CDKL3: variants seen among roughly 807,000 people sequenced by gnomAD.
CDKL3 encodes cyclin-dependent kinase-like 3.
CDKL3 carries 65 observed loss-of-function variants against 69.3 expected under a neutral mutation model. That is an observed-to-expected ratio of 0.94 (90% confidence interval 0.77 to 1.15). CDKL3 has a LOEUF of 1.15. Ranked by LOEUF, CDKL3 falls within the 50% of genes most tolerant of loss-of-function variation. The probability of loss-of-function intolerance (pLI) is 0.00; values close to 1 mark genes in which losing one functional copy is unlikely to be tolerated. For missense variants in CDKL3, 652 were observed against 689.2 expected (o/e 0.95, Z 0.61); for synonymous variants, 202 against 221.6 (o/e 0.91, Z 0.79).
Position 134,350,262 on chromosome 5 carries a change from T to A in CDKL3, c.526A>T (p.Thr176Ser). 1 of 1,567,514 alleles carries A rather than the reference T, an allele frequency of 6.4e-7. No individual in the cohort carries two copies. Among genetic ancestry groups the A allele is most frequent in the South Asian group, 1.2e-5 (1 of 83,002 alleles). ...YRAPELVLKD[T>S]SYGKPVDIWA... ...AAATACACATACTTTCCATAAGAAG[T>A]ATCTTTTAATACTAATTCGGGAGCT... is the stretch of plus-strand genomic sequence containing the variant. The change falls in exon 4 of 13, where the codon ACT becomes TCT. Residue 176 changes from threonine to serine, a missense_variant. By Grantham distance (58) the Thr-to-Ser change is moderately conservative (BLOSUM62 1). Transcript: ENST00000265334.
At chr5:134,336,182 T>TA (rs1157940436) in intron 4 of CDKL3, among the ~76,000 whole-genome samples, 1 of 152,222 alleles carries the variant, frequency 6.6e-6, no homozygotes, top group African/African-American at 2.4e-5. Flanking sequence ...TCAGGTCATT[T>TA]AAGCTCTTCT....
chr5:134,331,134 A>G (rs1775682328), intron 4 of CDKL3, among the ~76,000 whole-genome samples: 1 of 152,138 alleles, frequency 6.6e-6, no homozygotes. Context: ...ACCAACTGAG[A>G]TGTCTATACT....
intron 3 of CDKL3, among the ~76,000 whole-genome samples, chr5:134,352,332 GCT>G (rs1330982875): frequency 2.2e-5 from 3 of 133,510 alleles, no homozygotes; most frequent in Non-Finnish European, 3.1e-5. Flanking sequence ...ACAGAGTTTT[GCT>G]CTGTCGCCCA....
chr5:134,336,993 G>A (rs372031052), intron 4 of CDKL3, among the ~76,000 whole-genome samples: 18 of 152,148 alleles, frequency 1.2e-4, no homozygotes, highest in African/African-American at 2.2e-4. Context: ...TGCCCAGTTC[G>A]AGTTTCCCTG....
At chr5:134,290,468 CAA>C (rs1765082456) in intron 8 of CDKL3, among the ~76,000 whole-genome samples, 1 of 150,932 alleles carries the variant, frequency 6.6e-6, no homozygotes, top group Non-Finnish European at 1.5e-5. Flanking sequence ...ACAGCAAGAG[CAA>C]AGTTTCTAAG....
At chr5:134,358,707 C>T (rs1459651800) in intron 3 of CDKL3, among the ~76,000 whole-genome samples, 1 of 152,082 alleles carries the variant, frequency 6.6e-6, no homozygotes, top group Non-Finnish European at 1.5e-5. Context: ...CAGGCTCAAA[C>T]AATCCTCCTA....
intron 8 of CDKL3, among the ~76,000 whole-genome samples, chr5:134,287,496 C>T (rs958217051): frequency 1.3e-5 from 2 of 152,188 alleles, no homozygotes; most frequent in Non-Finnish European, 1.5e-5. Context: ...GACAACTTCA[C>T]GTGGTCAAAG....
At chr5:134,284,177 A>G (rs1764749665), downstream of CDKL3, among the ~76,000 whole-genome samples, 2 of 152,172 alleles carry the variant, frequency 1.3e-5, no homozygotes, top group African/African-American at 4.8e-5. Context: ...CCAGCCCCCA[A>G]TATTTCAACG....
At chr5:134,320,160 T>C (rs930261798) in intron 5 of CDKL3, among the ~76,000 whole-genome samples, 1 of 152,148 alleles carries the variant, frequency 6.6e-6, no homozygotes, top group African/African-American at 2.4e-5. Context: ...AAATGTGAGG[T>C]GTCTTAAGGC....
At chr5:134,323,073 C>G (rs139418617) in intron 4 of CDKL3, among the ~76,000 whole-genome samples, 40 of 151,936 alleles carry the variant, frequency 2.6e-4, no homozygotes, top group African/African-American at 8.9e-4. Context: ...AAGCAACATT[C>G]ATGAAAGAAA....
chr5:134,309,760 A>G (rs1768891286), intron 7 of CDKL3, among the ~76,000 whole-genome samples: 1 of 152,210 alleles, frequency 6.6e-6, no homozygotes, highest in African/African-American at 2.4e-5. Flanking sequence ...ATAGAAGCCT[A>G]ATATCTAAAT....
chr5:134,308,072 G>A (rs1430963484), intron 9 of CDKL3, 66 bp downstream of exon 9: 33 of 1,498,466 alleles, frequency 2.2e-5, no homozygotes, highest in Middle Eastern at 3.5e-4. Flanking sequence ...CTATGAACAC[G>A]ATTCTTTGAA....
At chr5:134,335,583 CT>C (rs1443545794) in intron 4 of CDKL3, among the ~76,000 whole-genome samples, 3 of 152,004 alleles carry the variant, frequency 2.0e-5, no homozygotes, top group Non-Finnish European at 4.4e-5. Context: ...CACTTAAAAG[CT>C]TAGTTTGGCT....
intron 2 of CDKL3, among the ~76,000 whole-genome samples, chr5:134,363,943 G>C (rs969367966): frequency 7.1e-6 from 1 of 140,344 alleles, no homozygotes; most frequent in Non-Finnish European, 1.5e-5. Context: ...GGGCAACAGG[G>C]AGACTCCATT....
At chr5:134,338,459 G>A (rs1177761301) in intron 4 of CDKL3, among the ~76,000 whole-genome samples, 2 of 152,104 alleles carry the variant, frequency 1.3e-5, no homozygotes, top group Non-Finnish European at 2.9e-5. Flanking sequence ...GGAGGCTGAG[G>A]CAGGAGAATC....
At chr5:134,367,196 T>G, upstream of CDKL3, 23 of 985,498 alleles carry the variant, frequency 2.3e-5, no homozygotes, top group Non-Finnish European at 2.7e-5. Context: ...GACCGGAACA[T>G]GGGCAGGGTC....
chr5:134,368,887 G>T (rs746101322), upstream of CDKL3, among the ~76,000 whole-genome samples: 17 of 152,150 alleles, frequency 1.1e-4, no homozygotes, highest in Non-Finnish European at 1.9e-4. Context: ...AAAATTAGCC[G>T]GGCATGGTGG....
Position 134,366,515 on chromosome 5 carries a change from C to T in CDKL3, c.9G>A (p.Met3Ile). The part of the protein sequence containing the change: ME[M>I]YETLGKVGEG... ...CTCCCACTTTTCCAAGGGTTTCATA[C>T]ATCTCCATTTTCAAGCTGGGCTTTT... Residue 3 changes from methionine (M) to isoleucine (I), a missense_variant, in exon 2 of 13, where the codon ATG becomes ATA. Met to Ile is a conservative substitution (Grantham distance 10). Transcript: ENST00000265334. 1 of 1,597,984 alleles carries T rather than the reference C, an allele frequency of 6.3e-7. No homozygotes were observed. The highest frequency in any genetic ancestry group is 1.3e-5 in the African/African-American group (1 of 74,164).
At chr5:134,367,175 C>A (rs1757643454), upstream of CDKL3, 1 of 985,592 alleles carries the variant, frequency 1.0e-6, no homozygotes, top group Admixed American at 6.2e-5. Flanking sequence ...GCGTTCTAGA[C>A]TCGTGCGCAA....
Sources: allele counts gnomAD v4.1 joint callset (sites outside exome capture counted in the v4.1 genomes callset), GRCh38; gene constraint gnomAD v4.1.1; transcripts MANE v1.5; gene names NCBI Gene and HGNC (gene_info 2026-07-23, HGNC 2026-07-21).